TCOF1: variants seen among roughly 807,000 people sequenced by gnomAD.
The protein encoded by TCOF1 is treacle protein.
In TCOF1, 33 loss-of-function variants were observed where a neutral mutation model predicts 149.0. That is an observed-to-expected ratio of 0.22 (90% CI 0.17 to 0.30). TCOF1 has a LOEUF of 0.30. Ranked by LOEUF, TCOF1 falls within the 10% of genes least tolerant of loss-of-function variation. The pLI is 1.00. For synonymous variants in TCOF1, 789 were observed against 738.8 expected (o/e 1.07, Z -1.10); for missense variants, 1,728 against 1,840.7 (o/e 0.94, Z 1.12).
Position 150,378,960 on chromosome 5 carries a change from C to T in TCOF1, c.2396C>T (p.Ala799Val). The T allele has an allele frequency of 1.2e-6, 2 of 1,614,142 alleles. No individual in the cohort carries two copies. Among genetic ancestry groups the T allele is most frequent in the South Asian group, 1.1e-5 (1 of 91,088 alleles). The change falls in exon 15 of 27, where the codon GCA becomes GTA. Residue 799 changes from alanine (A) to valine (V), a missense_variant. Ala to Val is a moderately conservative substitution (Grantham distance 64, BLOSUM62 0). Coordinates refer to ENST00000643257, the MANE Select transcript of TCOF1 (RefSeq NM_001371623.1). ...QAKANPAAAR[A>V]PSAKGTISAP... The stretch of plus-strand genomic sequence containing the variant: ...AAAGCCAACCCAGCTGCCGCCAGAG[C>T]ACCTTCAGCAAAAGGGACAATTTCA...
chr5:150,398,880 C>A, intron 25 of TCOF1, 142 bp from the exon 26 acceptor site: 2 of 1,154,260 alleles, frequency 1.7e-6, no homozygotes, highest in Non-Finnish European at 2.6e-6. Context: ...GAGAGCTGAA[C>A]ATCTGTTTGC....
rs1581167012 is a variant in TCOF1 at position 150,383,847 on chromosome 5, C to T, written c.2860-4055C>T. 13 of 1,551,028 alleles carry T rather than the reference C, an allele frequency of 8.4e-6. No individual in the cohort carries two copies. The East Asian group carries it at 3.2e-4, about 38-fold the overall frequency. On this transcript the variant is annotated intron_variant, in intron 17 of 26. Transcript: ENST00000643257. ...ACCCAGAGCTTAAGCCACAGTCCTG[C>T]TCAGGCTACACCTCCAAGGGTGGGA...
chr5:150,399,277 T>C (rs994343515), intron 26 of TCOF1, among the ~76,000 whole-genome samples: 1 of 152,224 alleles, frequency 6.6e-6, no homozygotes, highest in Non-Finnish European at 1.5e-5. Flanking sequence ...AGAACAGTAA[T>C]GGCAGTGGTG....
chr5:150,379,869 C>G, intron 17 of TCOF1, 137 bp downstream of exon 17: 1 of 1,048,236 alleles, frequency 9.5e-7, no homozygotes, highest in South Asian at 1.4e-5. Flanking sequence ...GTCAGGGGTT[C>G]AAGACCAGCC....
At chr5:150,398,269 G>A (rs565980600) in intron 24 of TCOF1, 85 bp from the exon 25 acceptor site, 84 of 1,599,632 alleles carry the variant, frequency 5.3e-5, no homozygotes, top group Non-Finnish European at 6.8e-5. Context: ...AAAGCTGGGA[G>A]CCCTGCCCTG....
rs58246300 is a variant in TCOF1 at position 150,397,153 on chromosome 5, C to CAAAAAAAAAAAAAAAAAAA, written c.4345+314_4345+332dup. On this transcript the variant is annotated intron_variant, in intron 24 of 26. Coordinates refer to ENST00000643257, the MANE Select transcript of TCOF1 (RefSeq NM_001371623.1). ...AGCCTGGGTGACAGAGCAAGACTGT[C>CAAAAAAAAAAAAAAAAAAA]AAAAAAAAAAAAAAAAAAAAAGGCT... Among the ~76,000 whole-genome samples the CAAAAAAAAAAAAAAAAAAA allele has an allele frequency of 4.5e-5, 4 of 88,720 alleles. 2 individuals are homozygous for CAAAAAAAAAAAAAAAAAAA. The highest frequency in any genetic ancestry group is 4.2e-5 in the Non-Finnish European group (2 of 47,526). 58.2% of individuals were successfully genotyped at this position (88,720 alleles called of 152,430 possible). A position where few individuals can be genotyped will look rare whatever the true frequency, so the allele number is the denominator to read the frequency against.
rs1252127679 is a variant in TCOF1 at position 150,357,804 on chromosome 5, C to T, written c.58C>T (p.Arg20Trp). 1 of 1,549,852 alleles carries T rather than the reference C, an allele frequency of 6.5e-7. No homozygotes were observed. The highest frequency in any genetic ancestry group is 8.7e-7 in the Non-Finnish European group (1 of 1,146,560). The part of the protein sequence containing the change: ...LLPLIYHHLL[R>W]AGYVRAAREV... The stretch of plus-strand genomic sequence containing the variant: ...TCCCCTGATCTACCACCATCTGCTG[C>T]GGGCTGGCTATGTGCGTGCGGCGCG... The change falls in exon 1 of 27, where the codon CGG becomes TGG. Residue 20 changes from arginine (R) to tryptophan (W), a missense_variant. Around this residue, in one of 2 missense-constraint regions of TCOF1, gnomAD observed 32 missense variants for 75.3 expected, o/e 0.43. Coordinates refer to ENST00000643257, the MANE Select transcript of TCOF1 (RefSeq NM_001371623.1).
chr5:150,365,154 C>A (rs1418592020), intron 3 of TCOF1: 1 of 152,048 alleles, frequency 6.6e-6, no homozygotes, highest in East Asian at 1.9e-4. Flanking sequence ...CCCCCGCCTC[C>A]TGGGTTCAAG....
chr5:150,368,205 C>A, intron 4 of TCOF1: 1 of 447,542 alleles, frequency 2.2e-6, no homozygotes, highest in Non-Finnish European at 4.1e-6. Flanking sequence ...CCCGTTCACT[C>A]AACAGATCTT....
chr5:150,397,164 A>AAAAAAC, intron 24 of TCOF1, among the ~76,000 whole-genome samples: 1 of 151,312 alleles, frequency 6.6e-6, no homozygotes, highest in Non-Finnish European at 1.5e-5. Context: ...AAAAAAAAAA[A>AAAAAAC]AAAAAAAAAA....
chr5:150,366,110 A>ACC (rs1351615285), intron 3 of TCOF1, among the ~76,000 whole-genome samples: 2 of 145,254 alleles, frequency 1.4e-5, no homozygotes, highest in African/African-American at 5.2e-5. Flanking sequence ...ACAGAGCAAG[A>ACC]CTGTCTCAAA....
chr5:150,357,954 G>C, intron 1 of TCOF1, 100 bp downstream of exon 1: 1 of 1,309,278 alleles, frequency 7.6e-7, no homozygotes, highest in East Asian at 2.6e-5. Flanking sequence ...CAGGCGCCCG[G>C]AGCCGGGTCC....
In TCOF1 at chr5:150,396,266, C is replaced by T. The variant is rs752291750; in HGVS notation, c.3785-16C>T. The T allele has an allele frequency of 4.1e-5, 66 of 1,614,018 alleles. No homozygotes were observed. Among genetic ancestry groups the T allele is most frequent in the Non-Finnish European group, 5.5e-5 (65 of 1,179,984 alleles). ...CAACTCTCCCAGATCTGTGACCCCA[C>T]ATTCTCTCTCCATAGGTGGAAAAGA... is the stretch of plus-strand genomic sequence containing the variant. On this transcript the variant is annotated splice_polypyrimidine_tract_variant and intron_variant, in intron 23 of 26. Coordinates refer to ENST00000643257, the MANE Select transcript of TCOF1 (RefSeq NM_001371623.1).
At chr5:150,364,693 G>T (rs1166720247) in intron 3 of TCOF1, among the ~76,000 whole-genome samples, 1 of 152,204 alleles carries the variant, frequency 6.6e-6, no homozygotes, top group Non-Finnish European at 1.5e-5. Context: ...GCACTGGAAC[G>T]CTGTACTGGG....
chr5:150,375,930 C>T (rs373166300), intron 12 of TCOF1, 21 bp downstream of exon 12: 29 of 1,614,064 alleles, frequency 1.8e-5, no homozygotes, highest in South Asian at 2.2e-5. Flanking sequence ...GGGAAGGAGG[C>T]TGCTACATGG....
At chr5:150,374,061 G>A in intron 7 of TCOF1, 113 bp from the exon 8 acceptor site, 1 of 1,178,534 alleles carries the variant, frequency 8.5e-7, no homozygotes, top group Non-Finnish European at 1.2e-6. Flanking sequence ...GGAGTGGGGA[G>A]GGAAGCAGGG....
At chr5:150,382,874 G>A (rs1252888151) in intron 17 of TCOF1, among the ~76,000 whole-genome samples, 2 of 152,244 alleles carry the variant, frequency 1.3e-5, no homozygotes, top group African/African-American at 4.8e-5. Context: ...AGCTAGCAGG[G>A]TGGAAGCATG....
chr5:150,381,361 C>G (rs1436432087), intron 17 of TCOF1, among the ~76,000 whole-genome samples: 2 of 152,228 alleles, frequency 1.3e-5, no homozygotes, highest in African/African-American at 4.8e-5. Flanking sequence ...AGCTCACAGT[C>G]TGTGGGGCAA....
Position 150,369,559 on chromosome 5 carries a change from C to G in TCOF1, c.596C>G (p.Ser199Cys), listed in dbSNP as rs775105175. ...GTGTCAGCGGGCCAGGCCGACAGCT[C>G]CAGCGAGGACACCTCCAGCTCCAGT... ...GMVSAGQADS[S>C]SEDTSSSSDE... Residue 199 changes from serine to cysteine, a missense_variant, in exon 6 of 27, where the codon TCC becomes TGC. Transcript: ENST00000643257. 6.2e-7 allele frequency: 1 copy of G among 1,614,126 alleles called. No individual in the cohort carries two copies. Among genetic ancestry groups the G allele is most frequent in the Non-Finnish European group, 8.5e-7 (1 of 1,180,028 alleles).
Sources: gnomAD v4.1 joint callset for allele counts (sites outside exome capture counted in the v4.1 genomes callset) on GRCh38, gnomAD v4.1.1 for gene constraint, gnomAD v4.1.1 regional missense constraint, MANE v1.5 for transcripts, NCBI Gene and HGNC (gene_info 2026-07-23, HGNC 2026-07-21) for gene names.